Variants in METTL15 observed in about 807,000 individuals in gnomAD.
The protein encoded by METTL15 is methyltransferase 15, mitochondrial 12S rRNA N4-cytidine.
In METTL15, 34 loss-of-function variants were observed where a neutral mutation model predicts 38.3. The ratio of observed to expected loss-of-function variants is 0.89; its 90% confidence interval spans 0.68 to 1.18. METTL15 has a LOEUF of 1.18. Among genes scored for constraint, METTL15 ranks in the 50% most tolerant of loss-of-function variants. The pLI is 0.00. For synonymous variants in METTL15, 162 were observed against 170.9 expected (o/e 0.95, Z 0.41); for missense variants, 438 against 498.4 (o/e 0.88, Z 1.15).
intron 3 of METTL15, among the ~76,000 whole-genome samples, chr11:28,179,001 T>C (rs1851182118): frequency 6.6e-6 from 1 of 151,822 alleles, no homozygotes; most frequent in Non-Finnish European, 1.5e-5. Flanking sequence ...TCTTGCACTT[T>C]GTTTTTATAC....
intron 4 of METTL15, chr11:28,261,574 A>G (rs1391389974): frequency 6.6e-6 from 1 of 152,210 alleles, no homozygotes; most frequent in Non-Finnish European, 1.5e-5. Flanking sequence ...TAGTAGTAGT[A>G]GCAAAGTATT....
intron 6 of METTL15, among the ~76,000 whole-genome samples, chr11:28,442,844 A>C (rs909511968): frequency 6.6e-6 from 1 of 152,246 alleles, no homozygotes; most frequent in African/African-American, 2.4e-5. Flanking sequence ...TGACATATGC[A>C]GTAATCCAAC....
At chr11:28,164,099 AGATT>A (rs1450727105) in intron 3 of METTL15, 4 of 152,126 alleles carry the variant, frequency 2.6e-5, no homozygotes, top group African/African-American at 9.6e-5. Context: ...TTATCTTTGG[AGATT>A]GATTATTGCC....
intron 3 of METTL15, among the ~76,000 whole-genome samples, chr11:28,141,528 TA>T (rs200264807): frequency 1.7e-3 from 248 of 147,066 alleles, no homozygotes; most frequent in Admixed American, 3.7e-3. Context: ...ACAAAAAAAT[TA>T]AAAAAAAAAA....
chr11:28,193,581 G>A (rs146250455), intron 3 of METTL15, among the ~76,000 whole-genome samples: 1,899 of 151,974 alleles, frequency 0.012, 40 homozygotes, highest in African/African-American at 0.044. Context: ...ATTTGGGTGG[G>A]GACACAGATC....
intron 6 of METTL15, among the ~76,000 whole-genome samples, chr11:28,476,102 A>G (rs1218337782): frequency 6.6e-6 from 1 of 152,202 alleles, no homozygotes; most frequent in Non-Finnish European, 1.5e-5. Context: ...CAGAAAATGA[A>G]TAATTTATAT....
intron 6 of METTL15, among the ~76,000 whole-genome samples, chr11:28,321,351 C>T (rs945576280): frequency 6.6e-6 from 1 of 152,136 alleles, no homozygotes; most frequent in African/African-American, 2.4e-5. Flanking sequence ...GAAAATTGAA[C>T]TTAGAGCCCT....
intron 3 of METTL15, among the ~76,000 whole-genome samples, chr11:28,177,616 A>T (rs990804041): frequency 6.6e-6 from 1 of 152,014 alleles, no homozygotes; most frequent in Non-Finnish European, 1.5e-5. Context: ...TTTGAAAGTT[A>T]TATTACTTAC....
intron 3 of METTL15, among the ~76,000 whole-genome samples, chr11:28,341,922 G>C (rs1326178938): frequency 1.3e-5 from 2 of 152,096 alleles, no homozygotes; most frequent in Non-Finnish European, 2.9e-5. Flanking sequence ...AATTGGCCCA[G>C]GGGTAGACTA....
chr11:28,507,020 T>C (rs979269819), intron 6 of METTL15, among the ~76,000 whole-genome samples: 3 of 152,186 alleles, frequency 2.0e-5, no homozygotes, highest in Non-Finnish European at 4.4e-5. Context: ...GCTGGAATTA[T>C]AGGCCTGAGC....
intron 6 of METTL15, among the ~76,000 whole-genome samples, chr11:28,313,499 A>G (rs1316881816): frequency 6.6e-6 from 1 of 151,918 alleles, no homozygotes; most frequent in African/African-American, 2.4e-5. Context: ...TTATTTTTCT[A>G]TTATAAAAGT....
chr11:28,441,500 T>C (rs561380219), intron 6 of METTL15, among the ~76,000 whole-genome samples: 92 of 152,314 alleles, frequency 6.0e-4, no homozygotes, highest in Non-Finnish European at 1.1e-3. Flanking sequence ...TGTTTCTGTT[T>C]GGATTCTACT....
intron 3 of METTL15, among the ~76,000 whole-genome samples, chr11:28,184,115 A>ATTT (rs1851402645): frequency 6.6e-6 from 1 of 151,730 alleles, no homozygotes; most frequent in Non-Finnish European, 1.5e-5. Context: ...CCCTCATATT[A>ATTT]TTTTTTATTG....
At chr11:28,459,809 G>T (rs564755297) in intron 6 of METTL15, among the ~76,000 whole-genome samples, 2 of 152,070 alleles carry the variant, frequency 1.3e-5, no homozygotes, top group South Asian at 4.2e-4. Context: ...GTGTATGTTT[G>T]TCCCTTGTCA....
chr11:28,180,264 T>C (rs1851234872), intron 3 of METTL15, among the ~76,000 whole-genome samples: 1 of 151,898 alleles, frequency 6.6e-6, no homozygotes, highest in Non-Finnish European at 1.5e-5. Context: ...TAATTTTATA[T>C]AACAGACATT....
At chr11:28,312,747 G>A (rs1411484416) in intron 6 of METTL15, among the ~76,000 whole-genome samples, 1 of 152,102 alleles carries the variant, frequency 6.6e-6, no homozygotes, top group African/African-American at 2.4e-5. Flanking sequence ...AAGGCAGAAG[G>A]TCAAAAGAGC....
intron 3 of METTL15, among the ~76,000 whole-genome samples, chr11:28,344,830 C>T (rs1028928752): frequency 1.3e-5 from 2 of 152,140 alleles, no homozygotes; most frequent in African/African-American, 4.8e-5. Flanking sequence ...ATGCAAGCCA[C>T]AAATTTTAGC....
intron 6 of METTL15, among the ~76,000 whole-genome samples, chr11:28,460,740 G>C (rs1205911497): frequency 6.6e-6 from 1 of 152,050 alleles, no homozygotes; most frequent in Non-Finnish European, 1.5e-5. Flanking sequence ...TCAGAAGAGT[G>C]AGGGGCTAAA....
chr11:28,367,477 CAAGGA>C (rs1348920739), intron 5 of METTL15, among the ~76,000 whole-genome samples: 1 of 152,032 alleles, frequency 6.6e-6, no homozygotes, highest in East Asian at 1.9e-4. Flanking sequence ...AACCACTGCT[CAAGGA>C]AATAAGGATA....
Sources: allele counts gnomAD v4.1 joint callset (sites outside exome capture counted in the v4.1 genomes callset), GRCh38; gene constraint gnomAD v4.1.1; transcripts MANE v1.5; gene names NCBI Gene and HGNC (gene_info 2026-07-23, HGNC 2026-07-21).